Variants in RBFOX1 observed in about 807,000 individuals in gnomAD.
RBFOX1 encodes RNA binding protein fox-1 homolog 1.
In RBFOX1, 8 loss-of-function variants were observed where a neutral mutation model predicts 57.7. That is an observed-to-expected ratio of 0.14 (90% CI 0.08 to 0.25). The LOEUF (loss-of-function observed/expected upper bound fraction) is 0.25, where lower values mean the gene tolerates loss of function less well. RBFOX1 is among the 10% of genes least tolerant of loss of function. The pLI is 1.00. For synonymous variants in RBFOX1, 326 were observed against 222.4 expected (o/e 1.47, Z -4.15); for missense variants, 611 against 548.5 (o/e 1.11, Z -1.14).
At chr16:7,470,357 G>A (rs766893130) in intron 4 of RBFOX1, among the ~76,000 whole-genome samples, 19 of 152,304 alleles carry the variant, frequency 1.2e-4, no homozygotes, top group Middle Eastern at 3.4e-3. Context: ...GACATGCTCA[G>A]CAAATATTTG....
chr16:5,476,838 C>T lies in RBFOX1; in HGVS notation c.258+9584C>T, dbSNP rs530565973. ...TTTCCTCAAGATGGCTAGAGTCTTG[C>T]GTCTTCCAGGCAGCCCTCCAAGTTA... On this transcript the variant is annotated intron_variant, in intron 2 of 2. Transcript: ENST00000585867. Among the ~76,000 whole-genome samples, 6 of 152,150 alleles carry T rather than the reference C, an allele frequency of 3.9e-5. No individual in the cohort carries two copies. The East Asian group carries it at 5.8e-4, about 15-fold the overall frequency.
intron 2 of RBFOX1, among the ~76,000 whole-genome samples, chr16:6,530,335 C>G (rs537117687): frequency 3.9e-5 from 6 of 152,144 alleles, no homozygotes; most frequent in Non-Finnish European, 7.3e-5. Context: ...TACTGTCACT[C>G]ACATAGTTCC....
intron 3 of RBFOX1, among the ~76,000 whole-genome samples, chr16:6,937,791 G>A (rs776400835): frequency 4.2e-4 from 64 of 152,068 alleles, no homozygotes; most frequent in Non-Finnish European, 7.2e-4. Context: ...CAGGTAGCAG[G>A]CTGTGGAGAG....
At chr16:7,091,762 C>T (rs1051853787) in intron 4 of RBFOX1, among the ~76,000 whole-genome samples, 1 of 152,176 alleles carries the variant, frequency 6.6e-6, no homozygotes. Context: ...TTCCTGAATG[C>T]TAAAGCTTTT....
intron 3 of RBFOX1, among the ~76,000 whole-genome samples, chr16:6,936,268 T>C (rs188721244): frequency 6.6e-5 from 10 of 152,206 alleles, no homozygotes; most frequent in African/African-American, 2.4e-4. Flanking sequence ...AAATCAGAGA[T>C]GAGTAATTGC....
intron 2 of RBFOX1, among the ~76,000 whole-genome samples, chr16:6,589,944 G>C (rs2097687540): frequency 6.6e-6 from 1 of 152,108 alleles, no homozygotes; most frequent in South Asian, 2.1e-4. Context: ...TCATGAGCTT[G>C]AAGAAAAGAA....
At chr16:5,413,806 G>A (rs1455584600) in intron 1 of RBFOX1, among the ~76,000 whole-genome samples, 1 of 152,170 alleles carries the variant, frequency 6.6e-6, no homozygotes, top group Non-Finnish European at 1.5e-5. Context: ...GGGGTGAGGT[G>A]TGGAGGGTAA....
chr16:6,083,354 C>T (rs2096036678), intron 1 of RBFOX1, among the ~76,000 whole-genome samples: 1 of 152,164 alleles, frequency 6.6e-6, no homozygotes, highest in Non-Finnish European at 1.5e-5. Flanking sequence ...TAGTCACAGA[C>T]ATTTATGGAG....
chr16:5,719,202 CTTTTT>C (rs34350208), intron 3 of RBFOX1, among the ~76,000 whole-genome samples: 9,330 of 120,134 alleles, frequency 0.078, 987 homozygotes, highest in African/African-American at 0.25. Flanking sequence ...ATATTAGAAT[CTTTTT>C]TTTTTTTTTT....
chr16:7,326,895 C>G (rs1212582056), intron 4 of RBFOX1, among the ~76,000 whole-genome samples: 2 of 152,160 alleles, frequency 1.3e-5, no homozygotes, highest in African/African-American at 4.8e-5. Flanking sequence ...CTTCCTCACA[C>G]TTTTTCAGTC....
chr16:7,611,948 G>A (rs72774978), intron 10 of RBFOX1, among the ~76,000 whole-genome samples: 18,623 of 152,112 alleles, frequency 0.12, 1,140 homozygotes, highest in South Asian at 0.13. Context: ...GGAGAGATGG[G>A]TAGTTTTCTA....
chr16:6,446,572 G>A (rs1395114532), intron 2 of RBFOX1, among the ~76,000 whole-genome samples: 1 of 152,094 alleles, frequency 6.6e-6, no homozygotes, highest in Non-Finnish European at 1.5e-5. Context: ...ACCCTAGGGG[G>A]CAGTGCTGGC....
chr16:6,700,965 T>C (rs542518055), intron 3 of RBFOX1, among the ~76,000 whole-genome samples: 1 of 152,168 alleles, frequency 6.6e-6, no homozygotes, highest in East Asian at 1.9e-4. Flanking sequence ...TCAGAAGGCA[T>C]TGGGGGTACC....
intron 3 of RBFOX1, among the ~76,000 whole-genome samples, chr16:6,932,962 T>A (rs1164681386): frequency 6.6e-6 from 1 of 152,230 alleles, no homozygotes; most frequent in Non-Finnish European, 1.5e-5. Context: ...ACTTGACTGC[T>A]CTAGTATCTC....
Position 6,860,854 on chromosome 16 carries a change from A to G in RBFOX1, c.-15-191203A>G, listed in dbSNP as rs563596185. On this transcript the variant is annotated intron_variant, in intron 3 of 15. Transcript: ENST00000550418. ...TTTTGGACACAGTAAAATGTTTTCA[A>G]AAATATATAAATGTATTCAAAAATA... is the stretch of plus-strand genomic sequence containing the variant. Among the ~76,000 whole-genome samples, 89 of 152,364 alleles carry G rather than the reference A, an allele frequency of 5.8e-4. 1 individual carries two copies. The highest frequency in any genetic ancestry group is 2.1e-3 in the African/African-American group (88 of 41,586).
chr16:6,303,347 T>A (rs11077026), intron 1 of RBFOX1, among the ~76,000 whole-genome samples: 107,463 of 151,668 alleles, frequency 0.71, 38,510 homozygotes, highest in African/African-American at 0.79. Context: ...TTTTTTTTTT[T>A]AAAAAATCGA....
At chr16:5,499,046 T>C (rs1259463781) in intron 2 of RBFOX1, among the ~76,000 whole-genome samples, 2 of 152,174 alleles carry the variant, frequency 1.3e-5, no homozygotes, top group African/African-American at 2.4e-5. Context: ...GGGATCTCAA[T>C]ATGCACAAGT....
At chr16:6,533,048 C>T (rs1480430384) in intron 2 of RBFOX1, among the ~76,000 whole-genome samples, 1 of 152,200 alleles carries the variant, frequency 6.6e-6, no homozygotes, top group Non-Finnish European at 1.5e-5. Context: ...TGATGCATCA[C>T]ATGCTCTGTG....
chr16:7,666,703 G>A (rs533731653), intron 13 of RBFOX1, among the ~76,000 whole-genome samples: 1 of 152,286 alleles, frequency 6.6e-6, no homozygotes, highest in Non-Finnish European at 1.5e-5. Context: ...AATCCACAGA[G>A]CAATGCAAAT....
Sources: allele counts gnomAD v4.1 joint callset (sites outside exome capture counted in the v4.1 genomes callset), GRCh38; gene constraint gnomAD v4.1.1; transcripts MANE v1.5; gene names NCBI Gene and HGNC (gene_info 2026-07-23, HGNC 2026-07-21).